The following SERGEF variants were observed in gnomAD, a reference collection of about 807,000 sequenced individuals.
SERGEF encodes secretion regulating guanine nucleotide exchange factor.
A neutral mutation model predicts 50.0 loss-of-function variants in SERGEF; 51 were observed. The observed-to-expected ratio is 1.02, with a 90% CI of 0.81 to 1.29. The LOEUF (loss-of-function observed/expected upper bound fraction) is 1.29, where lower values mean the gene tolerates loss of function less well. SERGEF is among the 50% of genes most tolerant of loss of function. The pLI, the probability that SERGEF is intolerant of heterozygous loss-of-function variation, is 0.00. For missense variants in SERGEF, 521 were observed against 557.0 expected (o/e 0.94, Z 0.65); for synonymous variants, 205 against 212.4 (o/e 0.97, Z 0.30).
chr11:17,847,297 C>T (rs754183234), intron 10 of SERGEF, among the ~76,000 whole-genome samples: 4 of 152,082 alleles, frequency 2.6e-5, no homozygotes, highest in Non-Finnish European at 4.4e-5. Flanking sequence ...GACGGCAGAA[C>T]GTGTCTGCAC....
rs147109016 is a variant in SERGEF, at chr11:17,890,238, G to A, written c.1012-11994C>T. Among the ~76,000 whole-genome samples, 714 of 152,174 alleles carry A rather than the reference G, an allele frequency of 4.7e-3. 4 individuals carry two copies. The highest frequency in any genetic ancestry group is 6.0e-3 in the Non-Finnish European group (407 of 68,010). On this transcript the variant is annotated intron_variant, in intron 9 of 10. Coordinates refer to ENST00000265965, the MANE Select transcript of SERGEF (RefSeq NM_012139.4). ...CAGCAGGACTGTGATGCAATGGGTC[G>A]GTTTCATACAGGAGAACTGAGCAAG...
intron 9 of SERGEF, among the ~76,000 whole-genome samples, chr11:17,905,497 C>T (rs895404932): frequency 7.2e-5 from 11 of 152,192 alleles, no homozygotes; most frequent in Non-Finnish European, 1.2e-4. Context: ...CTGGCTGAAC[C>T]AGGCTTAGTC....
At chr11:17,985,871 A>G (rs1294382310) in intron 8 of SERGEF, among the ~76,000 whole-genome samples, 1 of 152,210 alleles carries the variant, frequency 6.6e-6, no homozygotes, top group African/African-American at 2.4e-5. Context: ...CAATCTTGAC[A>G]CTATTAACAT....
intron 9 of SERGEF, among the ~76,000 whole-genome samples, chr11:17,951,298 T>C (rs1162891627): frequency 6.6e-6 from 1 of 152,228 alleles, no homozygotes; most frequent in African/African-American, 2.4e-5. Flanking sequence ...TATCTGCATT[T>C]TTCTATAACT....
intron 8 of SERGEF, among the ~76,000 whole-genome samples, chr11:17,967,962 C>T (rs1853161543): frequency 6.6e-6 from 1 of 152,216 alleles, no homozygotes; most frequent in Non-Finnish European, 1.5e-5. Context: ...CTAAAGCACC[C>T]TATTATCCCC....
intron 9 of SERGEF, among the ~76,000 whole-genome samples, chr11:17,880,026 A>G (rs1189286013): frequency 2.0e-5 from 3 of 152,228 alleles, no homozygotes; most frequent in Non-Finnish European, 4.4e-5. Context: ...AAGGCATTTC[A>G]GCATTAGAAG....
chr11:17,913,862 T>A (rs1364878551), intron 9 of SERGEF, among the ~76,000 whole-genome samples: 1 of 152,166 alleles, frequency 6.6e-6, no homozygotes, highest in African/African-American at 2.4e-5. Flanking sequence ...CCCACCTTAC[T>A]TAGACTTTGA....
intron 10 of SERGEF, among the ~76,000 whole-genome samples, chr11:17,851,142 C>G (rs568300806): frequency 8.5e-5 from 13 of 152,302 alleles, no homozygotes; most frequent in Admixed American, 4.6e-4. Context: ...GTACCGTGTG[C>G]TGGCCCTGTG....
Position 17,868,894 on chromosome 11 carries a change from C to T in SERGEF, c.1048+9314G>A, listed in dbSNP as rs140294156. 8.3e-3 allele frequency among the ~76,000 whole-genome samples: 1,260 copies of T among 152,224 alleles called. 17 individuals carry two copies. Among genetic ancestry groups the T allele is most frequent in the East Asian group, 0.061 (313 of 5,170 alleles). On this transcript the variant is annotated intron_variant, in intron 10 of 10. Coordinates refer to ENST00000265965, the MANE Select transcript of SERGEF (RefSeq NM_012139.4). ...GAGAACAGCATGAGAAAGACCTGCT[C>T]CCATGATTCAATTACCTCCCACAAG...
In SERGEF at chr11:17,901,565, C is replaced by T. The variant is rs138132165; in HGVS notation, c.1012-23321G>A. Among the ~76,000 whole-genome samples the T allele has an allele frequency of 7.2e-5, 11 of 152,332 alleles. No individual in the cohort carries two copies. The East Asian group carries it at 1.3e-3, about 19-fold the overall frequency. On this transcript the variant is annotated intron_variant, in intron 9 of 10. Coordinates refer to ENST00000265965, the MANE Select transcript of SERGEF (RefSeq NM_012139.4). ...AACTAATGATTTCTAATGGCACTAC[C>T]AGCATTTCCTCTCTGTACCTCTGCC...
intron 9 of SERGEF, among the ~76,000 whole-genome samples, chr11:17,890,118 T>A (rs1370636503): frequency 6.7e-6 from 1 of 148,968 alleles, no homozygotes; most frequent in East Asian, 2.0e-4. Context: ...ATGAGAAAAG[T>A]GGCTAAGAAG....
intron 10 of SERGEF, among the ~76,000 whole-genome samples, chr11:17,808,313 G>A (rs1373069547): frequency 6.6e-6 from 1 of 152,214 alleles, no homozygotes; most frequent in Non-Finnish European, 1.5e-5. Flanking sequence ...GAAGCGTGGT[G>A]CCAGCATCTG....
intron 10 of SERGEF, among the ~76,000 whole-genome samples, chr11:17,849,675 T>C (rs983420360): frequency 1.3e-5 from 2 of 152,214 alleles, no homozygotes; most frequent in Non-Finnish European, 2.9e-5. Flanking sequence ...GGCACAATGC[T>C]GGTTGCTTTA....
Position 17,988,736 on chromosome 11 carries a change from A to C in SERGEF, c.705T>G (p.Val235=). 6.2e-7 allele frequency: 1 copy of C among 1,614,036 alleles called. No homozygotes were observed. Among genetic ancestry groups the C allele is most frequent in the Non-Finnish European group, 8.5e-7 (1 of 1,179,956 alleles). The change falls in exon 8 of 11, where the codon GTT becomes GTG. Residue 235 remains valine, a synonymous_variant. Transcript: ENST00000265965. ...ASLTDAGEVY[V]WGSNKHGQLA... is the part of the protein sequence containing the mutation. ...GTTGCCCATGCTTGTTGCTTCCCCA[A>C]ACATACACCTCTCCTGCATCTTAAA...
At chr11:18,009,959 T>C (rs1854163017) in intron 1 of SERGEF, 1 of 367,462 alleles carries the variant, frequency 2.7e-6, no homozygotes, top group Admixed American at 3.8e-5. Context: ...TTATGTCCAG[T>C]AAGTTTTGGG....
chr11:17,874,008 T>C (rs944266479), intron 10 of SERGEF, among the ~76,000 whole-genome samples: 6 of 152,222 alleles, frequency 3.9e-5, no homozygotes, highest in Admixed American at 1.3e-4. Flanking sequence ...ACCCTGCCTC[T>C]GAAAGGCAGG....
chr11:17,950,895 T>C (rs981534956), intron 9 of SERGEF, among the ~76,000 whole-genome samples: 8 of 152,194 alleles, frequency 5.3e-5, no homozygotes, highest in African/African-American at 1.9e-4. Flanking sequence ...CTGCAGAGCA[T>C]GGTAGTAACA....
intron 10 of SERGEF, among the ~76,000 whole-genome samples, chr11:17,803,861 C>A (rs1849712505): frequency 6.6e-6 from 1 of 152,218 alleles, no homozygotes; most frequent in African/African-American, 2.4e-5. Context: ...GACACAAGTT[C>A]TAGCCGAGGG....
chr11:17,811,944 A>G (rs1479060626), intron 10 of SERGEF, among the ~76,000 whole-genome samples: 1 of 152,212 alleles, frequency 6.6e-6, no homozygotes, highest in Non-Finnish European at 1.5e-5. Context: ...AAGACACTCA[A>G]TGTAGAGTTG....
Sources: allele counts gnomAD v4.1 joint callset (sites outside exome capture counted in the v4.1 genomes callset), GRCh38; gene constraint gnomAD v4.1.1; transcripts MANE v1.5; gene names NCBI Gene and HGNC (gene_info 2026-07-23, HGNC 2026-07-21).